BRCA1: variants seen among roughly 807,000 people sequenced by gnomAD.
BRCA1 encodes the protein BRCA1 DNA repair associated, also known as breast cancer type 1 susceptibility protein.
A neutral mutation model predicts 173.7 loss-of-function variants in BRCA1; 140 were observed. The ratio of observed to expected loss-of-function variants is 0.81; its 90% confidence interval spans 0.70 to 0.93. The LOEUF (loss-of-function observed/expected upper bound fraction) is 0.93, where lower values mean the gene tolerates loss of function less well. Ranked by LOEUF, BRCA1 falls within the 40% of genes least tolerant of loss-of-function variation. The probability of loss-of-function intolerance (pLI) is 0.00; values close to 1 mark genes in which losing one functional copy is unlikely to be tolerated. For missense variants in BRCA1, 1,983 were observed against 2,172.5 expected (o/e 0.91, Z 1.73); for synonymous variants, 662 against 756.0 (o/e 0.88, Z 2.04).
chr17:43,071,422 G>C (rs560276844), intron 14 of BRCA1, among the ~76,000 whole-genome samples, 184 bp from the exon 15 acceptor site: 1 of 152,140 alleles, frequency 6.6e-6, no homozygotes, highest in Non-Finnish European at 1.5e-5. Flanking sequence ...GCATTATGTA[G>C]CAAACACCTT....
At chr17:43,121,185 C>T (rs1052273420) in intron 2 of BRCA1, among the ~76,000 whole-genome samples, 5 of 151,858 alleles carry the variant, frequency 3.3e-5, no homozygotes, top group African/African-American at 1.2e-4. Flanking sequence ...ACCATCTTGG[C>T]TAACATGGTG....
chr17:43,121,864 A>G (rs1339032439), intron 2 of BRCA1, among the ~76,000 whole-genome samples: 3 of 152,124 alleles, frequency 2.0e-5, no homozygotes, highest in Non-Finnish European at 4.4e-5. Flanking sequence ...AATGAGAAAG[A>G]ACATCCTATT....
intron 3 of BRCA1, 49 bp downstream of exon 3, chr17:43,115,677 G>C (rs777903680): frequency 1.9e-6 from 3 of 1,572,850 alleles, no homozygotes; most frequent in Non-Finnish European, 8.7e-7. Flanking sequence ...GGTTATGAAG[G>C]ACAAAAACAA....
intron 3 of BRCA1, among the ~76,000 whole-genome samples, chr17:43,115,408 A>C (rs2055216803): frequency 2.6e-5 from 4 of 152,002 alleles, no homozygotes; most frequent in Admixed American, 2.6e-4. Flanking sequence ...AGGCTGAGGT[A>C]GAAGAATCGC....
At chr17:43,153,801 T>G (rs1166040833) in intron 1 of BRCA1, 1 of 152,266 alleles carries the variant, frequency 6.6e-6, no homozygotes, top group East Asian at 1.9e-4. Context: ...TACTGTGTAC[T>G]CTTATTAGAT....
intron 1 of BRCA1, among the ~76,000 whole-genome samples, chr17:43,141,993 C>T (rs540893630): frequency 6.6e-6 from 1 of 151,864 alleles, no homozygotes; most frequent in Non-Finnish European, 1.5e-5. Flanking sequence ...CTCACTGCAA[C>T]CTCCGTCTCC....
chr17:43,088,719 C>T (rs1237110318), intron 11 of BRCA1, among the ~76,000 whole-genome samples: 1 of 152,150 alleles, frequency 6.6e-6, no homozygotes, highest in African/African-American at 2.4e-5. Flanking sequence ...AAAGAAGCCA[C>T]AGCAGGATGA....
intron 7 of BRCA1, among the ~76,000 whole-genome samples, chr17:43,098,032 T>C (rs2154523278): frequency 6.8e-6 from 1 of 147,430 alleles, no homozygotes; most frequent in East Asian, 2.0e-4. Context: ...CAGCAGCTCT[T>C]TTTTTTTTTT....
intron 11 of BRCA1, among the ~76,000 whole-genome samples, chr17:43,086,037 G>A (rs894291879): frequency 4.6e-5 from 7 of 151,106 alleles, no homozygotes; most frequent in Non-Finnish European, 7.4e-5. Flanking sequence ...AAGCAACTTT[G>A]CAATGAGTGT....
intron 2 of BRCA1, among the ~76,000 whole-genome samples, chr17:43,122,651 T>C (rs908608932): frequency 6.6e-6 from 1 of 152,108 alleles, no homozygotes; most frequent in African/African-American, 2.4e-5. Context: ...CTCAGGCCTG[T>C]AATCCCAGCA....
intron 13 of BRCA1, among the ~76,000 whole-genome samples, chr17:43,074,811 C>T (rs1207044020): frequency 6.6e-6 from 1 of 151,932 alleles, no homozygotes; most frequent in African/African-American, 2.4e-5. Context: ...ATCTCAGCTA[C>T]TCGGGAGGCT....
chr17:43,132,189 T>C (rs1315987897), intron 1 of BRCA1, among the ~76,000 whole-genome samples: 4 of 152,170 alleles, frequency 2.6e-5, no homozygotes, highest in Non-Finnish European at 5.9e-5. Context: ...GGTCACACAC[T>C]CTGGGCTCTC....
At chr17:43,058,128 G>A (rs1027807004) in intron 18 of BRCA1, among the ~76,000 whole-genome samples, 12 of 151,934 alleles carry the variant, frequency 7.9e-5, no homozygotes, top group African/African-American at 2.7e-4. Flanking sequence ...TGGCACTTTG[G>A]GAGGCTGAGG....
At chr17:43,095,426 C>G (rs2054090323) in intron 9 of BRCA1, among the ~76,000 whole-genome samples, 1 of 151,732 alleles carries the variant, frequency 6.6e-6, no homozygotes, top group Non-Finnish European at 1.5e-5. Context: ...TATAAAACCA[C>G]AAAAAATTAA....
At chr17:43,070,225 G>A (rs2052324530) in intron 15 of BRCA1, among the ~76,000 whole-genome samples, 1 of 152,054 alleles carries the variant, frequency 6.6e-6, no homozygotes, top group Non-Finnish European at 1.5e-5. Context: ...GAGCCACCAT[G>A]CCCGGCCATG....
chr17:43,110,572 A>G (rs1567814833), intron 3 of BRCA1: 1 of 428,030 alleles, frequency 2.3e-6, no homozygotes, highest in Non-Finnish European at 4.6e-6. Flanking sequence ...GGGACAACAG[A>G]GTAAGACCCT....
At chr17:43,129,709 C>T (rs547078831), upstream of BRCA1, among the ~76,000 whole-genome samples, 1 of 152,266 alleles carries the variant, frequency 6.6e-6, no homozygotes, top group East Asian at 1.9e-4. Context: ...CTCCTGACCT[C>T]GTGATCTGCC....
intron 20 of BRCA1, chr17:43,049,980 C>A (rs546185232): frequency 2.5e-6 from 1 of 398,156 alleles, no homozygotes; most frequent in Non-Finnish European, 4.4e-6. Context: ...AGTAAAAAAA[C>A]ACTGAGAAAT....
At chr17:43,091,340 C>T (rs780312395) in intron 10 of BRCA1, 95 bp downstream of exon 10, 1 of 1,500,164 alleles carries the variant, frequency 6.7e-7, no homozygotes, top group African/African-American at 1.4e-5. Flanking sequence ...TTTAACTATA[C>T]TTGGAAATTT....
Sources: gnomAD v4.1 joint callset for allele counts (sites outside exome capture counted in the v4.1 genomes callset) on GRCh38, gnomAD v4.1.1 for gene constraint, MANE v1.5 for transcripts, NCBI Gene and HGNC (gene_info 2026-07-23, HGNC 2026-07-21) for gene names.